The following RPS6KA5 variants were observed in gnomAD, a reference collection of about 807,000 sequenced individuals.
RPS6KA5 encodes ribosomal protein S6 kinase A5, also known as ribosomal protein S6 kinase alpha-5.
Under a neutral mutation model 85.5 loss-of-function variants are expected in RPS6KA5, and 27 were observed. That is an observed-to-expected ratio of 0.32 (90% CI 0.23 to 0.44). The LOEUF is 0.44. RPS6KA5 is among the 20% of genes least tolerant of loss of function. The pLI, the probability that RPS6KA5 is intolerant of heterozygous loss-of-function variation, is 1.00. For synonymous variants in RPS6KA5, 334 were observed against 348.2 expected (o/e 0.96, Z 0.46); for missense variants, 811 against 980.9 (o/e 0.83, Z 2.31).
chr14:91,054,637 GA>G (rs764680509), intron 1 of RPS6KA5, among the ~76,000 whole-genome samples: 6,585 of 79,280 alleles, frequency 0.083, 186 homozygotes, highest in Middle Eastern at 0.2. Context: ...CTCTGTCTCA[GA>G]AAAAAAAAAA....
At chr14:91,008,375 T>G (rs1182910282) in intron 1 of RPS6KA5, among the ~76,000 whole-genome samples, 1 of 152,210 alleles carries the variant, frequency 6.6e-6, no homozygotes, top group Non-Finnish European at 1.5e-5. Flanking sequence ...TGAAATAAGA[T>G]ATGAGAAATG....
chr14:90,945,885 C>A (rs2037846055), intron 4 of RPS6KA5, among the ~76,000 whole-genome samples: 1 of 152,014 alleles, frequency 6.6e-6, no homozygotes, highest in South Asian at 2.1e-4. Flanking sequence ...TTCCTGTGGT[C>A]CCAGCTACTC....
chr14:91,059,759 C>A (rs1295588566), intron 1 of RPS6KA5, among the ~76,000 whole-genome samples: 1 of 152,228 alleles, frequency 6.6e-6, no homozygotes, highest in Non-Finnish European at 1.5e-5. Flanking sequence ...AGAATAAAGG[C>A]ACTCAATCCC....
At position 90,853,682 on chromosome 14, in the gene RPS6KA5, A is replaced by C. The variant is rs1397612681; in HGVS notation, c.*18392T>G. ...CTACTAAAAATACAAAAAAAAAAAAAAAAACCCTAAAATTTAACACTATGA... is the reference window on the plus strand; with the variant it reads ...CTACTAAAAATACAAAAAAAAAAAACAAAACCCTAAAATTTAACACTATGA... On this transcript the variant is annotated 3_prime_UTR_variant, in exon 17 of 17. Transcript: ENST00000614987. The C allele has an allele frequency of 6.6e-6, 1 of 151,298 alleles. No individual in the cohort carries two copies. The highest frequency in any genetic ancestry group is 1.5e-5 in the Non-Finnish European group (1 of 67,770). 9.4% of individuals were successfully genotyped at this position (151,298 alleles called of 1,614,324 possible).
intron 13 of RPS6KA5, chr14:90,894,125 C>T (rs1363864200): frequency 1.1e-4 from 117 of 1,040,118 alleles, no homozygotes; most frequent in Non-Finnish European, 1.3e-4. Context: ...ATTTCCATTG[C>T]TATTTTTAGT....
chr14:90,882,386 A>G (rs2033899610), intron 14 of RPS6KA5, among the ~76,000 whole-genome samples: 1 of 152,260 alleles, frequency 6.6e-6, no homozygotes, highest in South Asian at 2.1e-4. Flanking sequence ...TGTCACGCAG[A>G]AAACAAAAGG....
At chr14:90,974,824 T>C (rs1024650873) in intron 3 of RPS6KA5, among the ~76,000 whole-genome samples, 1 of 152,212 alleles carries the variant, frequency 6.6e-6, no homozygotes, top group African/African-American at 2.4e-5. Flanking sequence ...AGCCAACCCA[T>C]GGGATCATGA....
chr14:91,015,034 C>G (rs1046884376), intron 1 of RPS6KA5, among the ~76,000 whole-genome samples: 3 of 152,174 alleles, frequency 2.0e-5, no homozygotes, highest in African/African-American at 4.8e-5. Context: ...AATTCAAATA[C>G]TTCATTTCCT....
chr14:90,940,209 T>C (rs2037494319), intron 5 of RPS6KA5, among the ~76,000 whole-genome samples: 1 of 152,216 alleles, frequency 6.6e-6, no homozygotes, highest in Non-Finnish European at 1.5e-5. Context: ...TAAAGCTTAA[T>C]AGTAATGTTA....
At chr14:91,056,867 CTTTTTT>C (rs34807092) in intron 1 of RPS6KA5, among the ~76,000 whole-genome samples, 28 of 38,872 alleles carry the variant, frequency 7.2e-4, no homozygotes, top group South Asian at 3.2e-3. Context: ...GCAGTATTAT[CTTTTTT>C]TTTTTTTTTT....
chr14:90,947,645 GATTTTAATATATTGCT>G, intron 3 of RPS6KA5, 95 bp from the exon 4 acceptor site: 1 of 696,976 alleles, frequency 1.4e-6, no homozygotes, highest in Non-Finnish European at 2.5e-6. Flanking sequence ...ATAAGGCACT[GATTTTAATATATTGCT>G]ATATACAATT....
At chr14:91,000,805 A>G (rs189580085) in intron 2 of RPS6KA5, among the ~76,000 whole-genome samples, 1 of 151,880 alleles carries the variant, frequency 6.6e-6, no homozygotes, top group East Asian at 1.9e-4. Flanking sequence ...CCGTCTCAAA[A>G]AAAATAAAAT....
At chr14:90,963,137 A>G (rs953698704) in intron 3 of RPS6KA5, among the ~76,000 whole-genome samples, 2 of 152,184 alleles carry the variant, frequency 1.3e-5, no homozygotes, top group Non-Finnish European at 2.9e-5. Context: ...CTTTCTTGGT[A>G]TCTTTGAAGA....
intron 14 of RPS6KA5, among the ~76,000 whole-genome samples, chr14:90,889,870 CTTCT>C (rs2034457205): frequency 1.3e-5 from 2 of 152,158 alleles, no homozygotes; most frequent in Non-Finnish European, 1.5e-5. Flanking sequence ...CACCTTGCTC[CTTCT>C]TTCTGTACTG....
chr14:90,935,359 C>A (rs1204766824), intron 5 of RPS6KA5, among the ~76,000 whole-genome samples: 1 of 152,186 alleles, frequency 6.6e-6, no homozygotes, highest in African/African-American at 2.4e-5. Flanking sequence ...TCACAGTAAT[C>A]TGAAATGTAA....
rs57523052 is a variant in RPS6KA5 at position 91,052,285 on chromosome 14, T to TAA, written c.103+8045_103+8046dup. ...CAACATGGCAAAACCCCATCTCTACTAAAAAAAAAAAAAAAAAAAAAAAAA... is the reference window on the plus strand; with the variant it reads ...CAACATGGCAAAACCCCATCTCTACTAAAAAAAAAAAAAAAAAAAAAAAAAAA... On this transcript the variant is annotated intron_variant, in intron 1 of 16. Coordinates refer to ENST00000614987, the MANE Select transcript of RPS6KA5 (RefSeq NM_004755.4). 1,717 of 212,640 alleles carry TAA rather than the reference T, an allele frequency of 8.1e-3. 28 individuals are homozygous for TAA. Among genetic ancestry groups the TAA allele is most frequent in the African/African-American group, 0.017 (199 of 11,696 alleles). 13.2% of individuals were successfully genotyped at this position (212,640 alleles called of 1,614,324 possible).
chr14:91,034,774 C>A (rs547518039), intron 1 of RPS6KA5, among the ~76,000 whole-genome samples: 11 of 152,312 alleles, frequency 7.2e-5, no homozygotes, highest in Admixed American at 7.2e-4. Flanking sequence ...GTAACACTCA[C>A]CACGAGGTGC....
chr14:91,048,786 C>G (rs1278897803), intron 1 of RPS6KA5, among the ~76,000 whole-genome samples: 1 of 152,194 alleles, frequency 6.6e-6, no homozygotes, highest in African/African-American at 2.4e-5. Context: ...CCCTCCCTCC[C>G]ACAGCACTTT....
chr14:90,934,168 A>G (rs899928777), intron 5 of RPS6KA5, among the ~76,000 whole-genome samples: 3 of 152,182 alleles, frequency 2.0e-5, no homozygotes, highest in Non-Finnish European at 2.9e-5. Context: ...TTGCTCATTC[A>G]TTGCAAGATC....
Sources: gnomAD v4.1 joint callset for allele counts (sites outside exome capture counted in the v4.1 genomes callset) on GRCh38, gnomAD v4.1.1 for gene constraint, MANE v1.5 for transcripts, NCBI Gene and HGNC (gene_info 2026-07-23, HGNC 2026-07-21) for gene names.